SORCS3: variants seen among roughly 807,000 people sequenced by gnomAD.
SORCS3 encodes the protein sortilin related VPS10 domain containing receptor 3.
SORCS3 carries 57 observed loss-of-function variants against 146.3 expected under a neutral mutation model. That is an observed-to-expected ratio of 0.39 (90% CI 0.31 to 0.49). The LOEUF (loss-of-function observed/expected upper bound fraction) is 0.49, where lower values mean the gene tolerates loss of function less well. Among genes scored for constraint, SORCS3 ranks in the 20% least tolerant of loss-of-function variants. The pLI, the probability that SORCS3 is intolerant of heterozygous loss-of-function variation, is 0.92. For missense variants in SORCS3, 1,341 were observed against 1,575.5 expected, an observed-to-expected ratio of 0.85 and a Z score of 2.52; for synonymous variants, 653 against 618.5, an observed-to-expected ratio of 1.06 and a Z score of -0.83.
intron 20 of SORCS3, among the ~76,000 whole-genome samples, chr10:105,231,201 T>A (rs1435533260): frequency 6.6e-6 from 1 of 152,246 alleles, no homozygotes; most frequent in Non-Finnish European, 1.5e-5. Flanking sequence ...ATTCAAAGTG[T>A]GATTGTCTAG....
chr10:104,677,389 A>T (rs978271786), intron 1 of SORCS3, among the ~76,000 whole-genome samples: 1 of 152,262 alleles, frequency 6.6e-6, no homozygotes, highest in African/African-American at 2.4e-5. Flanking sequence ...TGAAAACAAT[A>T]TAACACAACC....
chr10:104,886,554 T>TCATCTTTCTATC (rs1554857168), intron 2 of SORCS3, among the ~76,000 whole-genome samples: 1 of 127,842 alleles, frequency 7.8e-6, no homozygotes, highest in Non-Finnish European at 1.7e-5. Flanking sequence ...TATAACTCTA[T>TCATCTTTCTATC]CATCTATCTA....
chr10:105,263,176 T>G, intron 26 of SORCS3, 134 bp from the exon 27 acceptor site: 3 of 712,100 alleles, frequency 4.2e-6, no homozygotes, highest in Non-Finnish European at 7.1e-6. Context: ...GGTAACGATA[T>G]CCGGGTGCCT....
intron 2 of SORCS3, among the ~76,000 whole-genome samples, chr10:104,891,399 G>T (rs529492560): frequency 6.6e-6 from 1 of 152,178 alleles, no homozygotes; most frequent in Non-Finnish European, 1.5e-5. Context: ...GCAGCTGTCC[G>T]TTTTTCAGTA....
At position 104,671,325 on chromosome 10, in the gene SORCS3, C is replaced by CTTTTTT. The variant is rs771029154; in HGVS notation, c.627+29393_627+29398dup. ...ATGTTAAGGTAGTTTCATTCTTTTCCTTTTTTTTTTTTTTTTTTTTTTTTT... is the reference window on the plus strand; with the variant it reads ...ATGTTAAGGTAGTTTCATTCTTTTCCTTTTTTTTTTTTTTTTTTTTTTTTTTTTTTT... On this transcript the variant is annotated intron_variant, in intron 1 of 26. Transcript: ENST00000369701. Among the ~76,000 whole-genome samples the CTTTTTT allele has an allele frequency of 2.2e-3, 43 of 19,200 alleles. 18 individuals carry two copies. Among genetic ancestry groups the CTTTTTT allele is most frequent in the South Asian group, 9.3e-3 (2 of 214 alleles). 12.6% of individuals were successfully genotyped at this position (19,200 alleles called of 152,430 possible).
intron 2 of SORCS3, among the ~76,000 whole-genome samples, chr10:104,866,740 G>T (rs564894716): frequency 4.1e-4 from 63 of 152,272 alleles, no homozygotes; most frequent in African/African-American, 1.5e-3. Flanking sequence ...TTTGGAAAAG[G>T]TGGCCTTAAT....
intron 4 of SORCS3, among the ~76,000 whole-genome samples, chr10:104,983,995 A>G (rs898936001): frequency 6.6e-6 from 1 of 152,130 alleles, no homozygotes; most frequent in Admixed American, 6.6e-5. Context: ...TGAAACCAGC[A>G]ACCTGATCAA....
At chr10:104,725,928 T>C (rs1010083454) in intron 1 of SORCS3, among the ~76,000 whole-genome samples, 10 of 152,356 alleles carry the variant, frequency 6.6e-5, no homozygotes, top group Admixed American at 3.9e-4. Flanking sequence ...GCTTCCCGGG[T>C]GAGGCGATGC....
At chr10:105,020,293 A>T (rs773200837) in intron 4 of SORCS3, among the ~76,000 whole-genome samples, 1 of 152,218 alleles carries the variant, frequency 6.6e-6, no homozygotes, top group African/African-American at 2.4e-5. Context: ...CCTCGTAAAT[A>T]CTGACCACAT....
At chr10:104,676,195 T>G (rs531766271) in intron 1 of SORCS3, among the ~76,000 whole-genome samples, 2 of 152,356 alleles carry the variant, frequency 1.3e-5, no homozygotes, top group Non-Finnish European at 2.9e-5. Flanking sequence ...TTATACCTTT[T>G]ATTTCATTTT....
chr10:104,669,092 T>C (rs2015819590), intron 1 of SORCS3, among the ~76,000 whole-genome samples: 1 of 152,218 alleles, frequency 6.6e-6, no homozygotes, highest in Admixed American at 6.5e-5. Flanking sequence ...AGTCAGTTCA[T>C]CTTTCTGGGC....
intron 4 of SORCS3, among the ~76,000 whole-genome samples, chr10:104,982,237 T>G (rs922700836): frequency 2.6e-5 from 4 of 152,116 alleles, no homozygotes. Context: ...GGACTGTAAC[T>G]GGGGCAGGTG....
chr10:104,667,046 A>T (rs2015787908), intron 1 of SORCS3, among the ~76,000 whole-genome samples: 1 of 152,090 alleles, frequency 6.6e-6, no homozygotes, highest in South Asian at 2.1e-4. Context: ...GGAGACAATT[A>T]TCAAGTTAAT....
chr10:104,818,603 A>G (rs540936419), intron 1 of SORCS3, among the ~76,000 whole-genome samples: 16 of 152,190 alleles, frequency 1.1e-4, no homozygotes, highest in Non-Finnish European at 2.1e-4. Flanking sequence ...GTCCTTGGCT[A>G]CTACAGGATC....
At chr10:104,958,223 G>T (rs1213590389) in intron 3 of SORCS3, among the ~76,000 whole-genome samples, 1 of 152,054 alleles carries the variant, frequency 6.6e-6, no homozygotes, top group Non-Finnish European at 1.5e-5. Flanking sequence ...GGAGAGTTCT[G>T]AATTTGAACC....
intron 1 of SORCS3, among the ~76,000 whole-genome samples, chr10:104,684,064 T>C (rs1189131278): frequency 6.6e-6 from 1 of 152,192 alleles, no homozygotes; most frequent in Non-Finnish European, 1.5e-5. Context: ...ACAGTTACTG[T>C]ATCTTGAAGT....
At chr10:105,232,143 A>T (rs1564790799) in intron 20 of SORCS3, among the ~76,000 whole-genome samples, 1 of 152,142 alleles carries the variant, frequency 6.6e-6, no homozygotes, top group African/African-American at 2.4e-5. Flanking sequence ...TGTTTAGTAG[A>T]ATTCACCAGT....
At chr10:105,014,351 C>T (rs1589594404) in intron 4 of SORCS3, among the ~76,000 whole-genome samples, 1 of 151,636 alleles carries the variant, frequency 6.6e-6, no homozygotes, top group East Asian at 1.9e-4. Flanking sequence ...ATCTTTTATA[C>T]CTTATGACAG....
At chr10:105,151,936 A>G (rs915033527) in intron 9 of SORCS3, among the ~76,000 whole-genome samples, 9 of 152,184 alleles carry the variant, frequency 5.9e-5, no homozygotes, top group African/African-American at 1.9e-4. Flanking sequence ...CTCCTTCAAA[A>G]CAAGGCTGGT....
Sources: gnomAD v4.1 joint callset for allele counts (sites outside exome capture counted in the v4.1 genomes callset) on GRCh38, gnomAD v4.1.1 for gene constraint, MANE v1.5 for transcripts, NCBI Gene and HGNC (gene_info 2026-07-23, HGNC 2026-07-21) for gene names.